Variants in CSGALNACT1 observed in about 807,000 individuals in gnomAD.
CSGALNACT1 encodes the protein chondroitin sulfate N-acetylgalactosaminyltransferase 1.
A neutral mutation model predicts 51.0 loss-of-function variants in CSGALNACT1; 52 were observed. The ratio of observed to expected loss-of-function variants is 1.02; its 90% confidence interval spans 0.82 to 1.29. The LOEUF (loss-of-function observed/expected upper bound fraction) is 1.29, where lower values mean the gene tolerates loss of function less well. CSGALNACT1 is among the 50% of genes most tolerant of loss of function. The pLI, the probability that CSGALNACT1 is intolerant of heterozygous loss-of-function variation, is 0.00. For synonymous variants in CSGALNACT1, 341 were observed against 254.4 expected (o/e 1.34, Z -3.24); for missense variants, 935 against 679.2 (o/e 1.38, Z -4.19).
chr8:19,488,334 A>G (rs1318906568), intron 4 of CSGALNACT1, among the ~76,000 whole-genome samples: 1 of 148,480 alleles, frequency 6.7e-6, no homozygotes, highest in African/African-American at 2.5e-5. Context: ...TGAGCAACAG[A>G]GCGAGACTCC....
intron 1 of CSGALNACT1, among the ~76,000 whole-genome samples, chr8:19,618,182 T>C (rs1192941925): frequency 1.3e-5 from 2 of 152,186 alleles, no homozygotes; most frequent in East Asian, 3.8e-4. Context: ...CAACTGGCTA[T>C]GCCTGTACGC....
Position 19,619,251 on chromosome 8 carries a change from G to GC in CSGALNACT1, c.-543-17387_-543-17386insG, listed in dbSNP as rs200490725. Among the ~76,000 whole-genome samples the GC allele has an allele frequency of 3.3e-3, 490 of 149,008 alleles. 4 individuals carry two copies. Among genetic ancestry groups the GC allele is most frequent in the African/African-American group, 0.012 (460 of 39,774 alleles). On this transcript the variant is annotated intron_variant, in intron 1 of 9. Coordinates refer to the CSGALNACT1 transcript ENST00000332246. ...AAAAGAGCATTCTAGACAGGGTCGG[G>GC]GGGGGGTGGGCCTTGAAAAAAAGCA...
At chr8:19,458,735 A>G (rs1217322634) in intron 4 of CSGALNACT1, 93 bp from the exon 4 acceptor site, 4 of 1,173,284 alleles carry the variant, frequency 3.4e-6, no homozygotes, top group Admixed American at 1.7e-5. Flanking sequence ...ATGCCTTTAA[A>G]AAGTGTTTAA....
chr8:19,492,612 A>G (rs369079994), intron 4 of CSGALNACT1, among the ~76,000 whole-genome samples: 1 of 152,190 alleles, frequency 6.6e-6, no homozygotes, highest in East Asian at 1.9e-4. Flanking sequence ...ATTTTGCCCT[A>G]AAGGCTTTCA....
chr8:19,613,052 G>C (rs1296835248), intron 1 of CSGALNACT1, among the ~76,000 whole-genome samples: 2 of 147,884 alleles, frequency 1.4e-5, no homozygotes, highest in Admixed American at 1.4e-4. Context: ...ATATTTTGGG[G>C]TTTTCACTGA....
chr8:19,444,715 A>C (rs1475993835), intron 5 of CSGALNACT1, among the ~76,000 whole-genome samples: 1 of 152,184 alleles, frequency 6.6e-6, no homozygotes, highest in African/African-American at 2.4e-5. Flanking sequence ...GGATAAATCC[A>C]CAGCAATAGA....
At chr8:19,410,845 T>C (rs367667226) in intron 8 of CSGALNACT1, among the ~76,000 whole-genome samples, 1 of 152,206 alleles carries the variant, frequency 6.6e-6, no homozygotes, top group South Asian at 2.1e-4. Flanking sequence ...CAGCATGTAA[T>C]TTCAGGGCAA....
chr8:19,604,516 A>T (rs1315304953), upstream of CSGALNACT1, among the ~76,000 whole-genome samples: 1 of 152,150 alleles, frequency 6.6e-6, no homozygotes, highest in Non-Finnish European at 1.5e-5. Context: ...CTAACTTTCA[A>T]AACCAAACTC....
chr8:19,416,734 C>T (rs1007011492), intron 8 of CSGALNACT1, among the ~76,000 whole-genome samples: 4 of 152,188 alleles, frequency 2.6e-5, no homozygotes, highest in Admixed American at 6.5e-5. Flanking sequence ...ATACAGCCTA[C>T]GTGTGTAGTT....
At chr8:19,457,305 G>A (rs1043404790) in intron 5 of CSGALNACT1, among the ~76,000 whole-genome samples, 1 of 152,156 alleles carries the variant, frequency 6.6e-6, no homozygotes, top group Non-Finnish European at 1.5e-5. Flanking sequence ...TTTCAATAAT[G>A]TAAATTTACT....
At chr8:19,576,590 G>A (rs544182053) in intron 3 of CSGALNACT1, among the ~76,000 whole-genome samples, 18 of 151,876 alleles carry the variant, frequency 1.2e-4, no homozygotes, top group Non-Finnish European at 1.6e-4. Context: ...GACCCCCAAC[G>A]AGTCTTGCTG....
chr8:19,474,490 C>G (rs1478876995), intron 4 of CSGALNACT1, among the ~76,000 whole-genome samples: 1 of 152,090 alleles, frequency 6.6e-6, no homozygotes, highest in Non-Finnish European at 1.5e-5. Context: ...AGGGCAGTGA[C>G]TAAAGCCCAG....
At chr8:19,542,600 C>A (rs1043402897) in intron 3 of CSGALNACT1, among the ~76,000 whole-genome samples, 2 of 152,118 alleles carry the variant, frequency 1.3e-5, no homozygotes, top group African/African-American at 4.8e-5. Context: ...TGATTAATTT[C>A]TATGGGGGAG....
intron 4 of CSGALNACT1, among the ~76,000 whole-genome samples, chr8:19,499,410 G>A (rs1202342599): frequency 6.6e-6 from 1 of 152,180 alleles, no homozygotes; most frequent in Non-Finnish European, 1.5e-5. Context: ...AACATAGTGA[G>A]CACTCACATA....
intron 3 of CSGALNACT1, among the ~76,000 whole-genome samples, chr8:19,566,313 G>C (rs1416737864): frequency 2.0e-5 from 3 of 152,084 alleles, no homozygotes; most frequent in Non-Finnish European, 4.4e-5. Flanking sequence ...GGAGCTAAAA[G>C]AAACAAAGAA....
chr8:19,688,629 A>G (rs2061114376), intron 1 of CSGALNACT1: 1 of 152,150 alleles, frequency 6.6e-6, no homozygotes, highest in Admixed American at 6.5e-5. Context: ...CTATTCTCTC[A>G]TCTTTATTTT....
chr8:19,657,407 T>G (rs2058380556), intron 1 of CSGALNACT1, among the ~76,000 whole-genome samples: 1 of 152,218 alleles, frequency 6.6e-6, no homozygotes, highest in Non-Finnish European at 1.5e-5. Context: ...AAATAATGGT[T>G]GGATATTTTC....
intron 1 of CSGALNACT1, among the ~76,000 whole-genome samples, chr8:19,654,467 G>A (rs1422206486): frequency 6.6e-6 from 1 of 152,206 alleles, no homozygotes; most frequent in African/African-American, 2.4e-5. Flanking sequence ...CTTAATGGTT[G>A]AGTGACCAGG....
At chr8:19,566,002 G>A (rs1281187061) in intron 3 of CSGALNACT1, among the ~76,000 whole-genome samples, 5 of 152,342 alleles carry the variant, frequency 3.3e-5, no homozygotes, top group Non-Finnish European at 7.3e-5. Flanking sequence ...TCAAAATATA[G>A]TAACAGCTTC....
Sources: gnomAD v4.1 joint callset for allele counts (sites outside exome capture counted in the v4.1 genomes callset) on GRCh38, gnomAD v4.1.1 for gene constraint, MANE v1.5 for transcripts, NCBI Gene and HGNC (gene_info 2026-07-23, HGNC 2026-07-21) for gene names.